PIP5K1B: variants seen among roughly 807,000 people sequenced by gnomAD.
The protein encoded by PIP5K1B is phosphatidylinositol 4-phosphate 5-kinase type-1 beta.
A neutral mutation model predicts 67.0 loss-of-function variants in PIP5K1B; 42 were observed. The observed-to-expected ratio is 0.63, with a 90% CI of 0.49 to 0.81. The LOEUF (loss-of-function observed/expected upper bound fraction) is 0.81. Among genes scored for constraint, PIP5K1B ranks in the 30% least tolerant of loss-of-function variants. The probability of loss-of-function intolerance (pLI) is 0.00; values close to 1 mark genes in which losing one functional copy is unlikely to be tolerated. For missense variants in PIP5K1B, 459 were observed against 646.3 expected (o/e 0.71, Z 3.14); for synonymous variants, 214 against 231.4 (o/e 0.92, Z 0.68).
chr9:68,791,327 T>G (rs1338540202), intron 2 of PIP5K1B, among the ~76,000 whole-genome samples: 1 of 152,158 alleles, frequency 6.6e-6, no homozygotes, highest in East Asian at 1.9e-4. Flanking sequence ...TGGTATCTTT[T>G]GGGAAGGAAA....
chr9:68,907,289 A>G (rs1412210241), intron 8 of PIP5K1B, among the ~76,000 whole-genome samples: 1 of 152,156 alleles, frequency 6.6e-6, no homozygotes, highest in South Asian at 2.1e-4. Context: ...AGCTGAGAAC[A>G]TTGCCACAGG....
intron 15 of PIP5K1B, among the ~76,000 whole-genome samples, chr9:69,003,718 G>A (rs1030237744): frequency 1.3e-5 from 2 of 152,134 alleles, no homozygotes; most frequent in Admixed American, 6.5e-5. Flanking sequence ...AAGCAGGAGT[G>A]GAAGGAATGA....
chr9:68,932,780 C>G (rs1373192016), intron 12 of PIP5K1B, among the ~76,000 whole-genome samples: 1 of 152,112 alleles, frequency 6.6e-6, no homozygotes, highest in Non-Finnish European at 1.5e-5. Flanking sequence ...AGTTTCCACC[C>G]CACATCTGAG....
At chr9:68,811,571 G>A (rs751476359) in intron 2 of PIP5K1B, among the ~76,000 whole-genome samples, 5 of 152,062 alleles carry the variant, frequency 3.3e-5, no homozygotes, top group Admixed American at 2.0e-4. Flanking sequence ...ACTTCTGCCA[G>A]TCAACCCCCG....
intron 4 of PIP5K1B, among the ~76,000 whole-genome samples, chr9:68,837,434 A>G (rs552151738): frequency 6.6e-6 from 1 of 152,290 alleles, no homozygotes; most frequent in Admixed American, 6.5e-5. Context: ...TTTAATTTGC[A>G]TTATTATTGT....
At chr9:68,845,646 TTTTA>T (rs1822150975) in intron 4 of PIP5K1B, among the ~76,000 whole-genome samples, 1 of 152,168 alleles carries the variant, frequency 6.6e-6, no homozygotes, top group Non-Finnish European at 1.5e-5. Flanking sequence ...AACGTGGCTG[TTTTA>T]TTTGTTTAAA....
At chr9:69,004,055 C>T (rs1306487076) in intron 15 of PIP5K1B, among the ~76,000 whole-genome samples, 3 of 152,054 alleles carry the variant, frequency 2.0e-5, no homozygotes, top group Admixed American at 2.0e-4. Context: ...TAATCTCTGA[C>T]CCCTTGTGTA....
chr9:68,764,693 A>G lies in PIP5K1B; in HGVS notation c.-86+22036A>G, dbSNP rs977161616. Among the ~76,000 whole-genome samples the G allele has an allele frequency of 8.5e-5, 13 of 152,254 alleles. 1 individual carries two copies. Among genetic ancestry groups the G allele is most frequent in the Admixed American group, 5.9e-4 (9 of 15,280 alleles). On this transcript the variant is annotated intron_variant, in intron 2 of 15. Coordinates refer to ENST00000265382, the MANE Select transcript of PIP5K1B (RefSeq NM_003558.4). ...ACAAATTAGGCAATAATTTGTCAAAACAAAAAGTAATAATGCTAGCAAAGA... is the reference window on the plus strand; with the variant it reads ...ACAAATTAGGCAATAATTTGTCAAAGCAAAAAGTAATAATGCTAGCAAAGA...
At chr9:69,001,347 C>T (rs1830817030) in intron 15 of PIP5K1B, among the ~76,000 whole-genome samples, 1 of 152,072 alleles carries the variant, frequency 6.6e-6, no homozygotes, top group Non-Finnish European at 1.5e-5. Context: ...CCATATTCCT[C>T]CCCCCACATT....
At chr9:68,917,440 G>A (rs1451092888) in intron 8 of PIP5K1B, 108 bp from the exon 9 acceptor site, 2 of 790,450 alleles carry the variant, frequency 2.5e-6, no homozygotes, top group Non-Finnish European at 4.3e-6. Context: ...CCCGCTGGGA[G>A]GAATAACAGG....
chr9:68,733,670 T>G (rs1223034849), intron 1 of PIP5K1B, among the ~76,000 whole-genome samples: 1 of 144,788 alleles, frequency 6.9e-6, no homozygotes, highest in African/African-American at 2.6e-5. Flanking sequence ...GATGGAGTCT[T>G]GCTTATTCGC....
intron 6 of PIP5K1B, among the ~76,000 whole-genome samples, chr9:68,880,523 C>G (rs1036176783): frequency 8.6e-5 from 13 of 151,566 alleles, no homozygotes; most frequent in Non-Finnish European, 1.9e-4. Context: ...CCACTGCACT[C>G]CAGCCTGGGC....
intron 5 of PIP5K1B, among the ~76,000 whole-genome samples, chr9:68,873,729 T>G (rs1823739058): frequency 6.6e-6 from 1 of 152,216 alleles, no homozygotes; most frequent in Admixed American, 6.5e-5. Flanking sequence ...TTCAAAGTAC[T>G]TTACCTTTCA....
At chr9:68,921,215 A>G (rs1381398089) in intron 11 of PIP5K1B, among the ~76,000 whole-genome samples, 1 of 151,984 alleles carries the variant, frequency 6.6e-6, no homozygotes, top group Non-Finnish European at 1.5e-5. Flanking sequence ...AGTCCTGGCT[A>G]CTCAAGAGAC....
At chr9:68,875,876 A>G (rs1385632930) in intron 5 of PIP5K1B, among the ~76,000 whole-genome samples, 1 of 152,214 alleles carries the variant, frequency 6.6e-6, no homozygotes, top group African/African-American at 2.4e-5. Context: ...GTATGGAGTC[A>G]AAGAATAAAA....
At chr9:68,987,577 T>G (rs1052093272) in intron 14 of PIP5K1B, among the ~76,000 whole-genome samples, 1 of 152,084 alleles carries the variant, frequency 6.6e-6, no homozygotes, top group South Asian at 2.1e-4. Flanking sequence ...AAATAAATAA[T>G]AAAACATAAA....
intron 2 of PIP5K1B, among the ~76,000 whole-genome samples, chr9:68,785,814 A>G (rs1207360241): frequency 1.3e-5 from 2 of 152,206 alleles, no homozygotes; most frequent in African/African-American, 2.4e-5. Flanking sequence ...ATGCTGGGCA[A>G]TTAGCATCCT....
intron 4 of PIP5K1B, among the ~76,000 whole-genome samples, chr9:68,843,801 C>T (rs961985352): frequency 3.9e-5 from 6 of 152,174 alleles, no homozygotes; most frequent in African/African-American, 9.7e-5. Context: ...TACAAGCCAA[C>T]CTGTTTCCAA....
chr9:68,830,185 G>A (rs1489096484), intron 4 of PIP5K1B, among the ~76,000 whole-genome samples: 4 of 152,088 alleles, frequency 2.6e-5, no homozygotes, highest in Non-Finnish European at 4.4e-5. Context: ...CAGCAAGGAG[G>A]TGAGCTGCAT....
Sources: gnomAD v4.1 joint callset for allele counts (sites outside exome capture counted in the v4.1 genomes callset) on GRCh38, gnomAD v4.1.1 for gene constraint, MANE v1.5 for transcripts, NCBI Gene and HGNC (gene_info 2026-07-23, HGNC 2026-07-21) for gene names.